BCKDHB: variants seen among roughly 807,000 people sequenced by gnomAD.
The protein encoded by BCKDHB is 2-oxoisovalerate dehydrogenase subunit beta, mitochondrial.
A neutral mutation model predicts 48.5 loss-of-function variants in BCKDHB; 41 were observed. That is an observed-to-expected ratio of 0.85 (90% CI 0.66 to 1.10). The LOEUF (loss-of-function observed/expected upper bound fraction) is 1.10. BCKDHB is among the 50% of genes least tolerant of loss of function. The probability of loss-of-function intolerance (pLI) is 0.00; values close to 1 mark genes in which losing one functional copy is unlikely to be tolerated. For missense variants in BCKDHB, 496 were observed against 494.2 expected (o/e 1.00, Z -0.03); for synonymous variants, 201 against 174.8 (o/e 1.15, Z -1.18).
At chr6:80,351,438 C>G in the BCKDHB span, among the ~76,000 whole-genome samples, 4 of 151,988 alleles carry the variant, frequency 2.6e-5, no homozygotes, top group Admixed American at 2.6e-4. Flanking sequence ...GGAGAGTTGG[C>G]CTGGGTCCAA....
chr6:80,220,304 G>GTTTTTTTTTTTTTTTTTTTTATTTTTTT (rs56967096), intron 8 of BCKDHB, among the ~76,000 whole-genome samples: 1 of 60,860 alleles, frequency 1.6e-5, no homozygotes, highest in Non-Finnish European at 2.9e-5. Flanking sequence ...CATGCTATTT[G>GTTTTTTTTTTTTTTTTTTTTATTTTTTT]TTTTTTTTTT....
chr6:80,314,687 G>A (rs1014880951), intron 9 of BCKDHB, among the ~76,000 whole-genome samples: 94 of 152,308 alleles, frequency 6.2e-4, no homozygotes, highest in African/African-American at 2.1e-3. Context: ...CCGCAGGCTG[G>A]AACCGCTGAG....
At chr6:80,182,533 T>C (rs1484894185) in intron 6 of BCKDHB, among the ~76,000 whole-genome samples, 1 of 152,194 alleles carries the variant, frequency 6.6e-6, no homozygotes, top group South Asian at 2.1e-4. Context: ...ATGAGTCATG[T>C]GTTTTCTTTG....
the BCKDHB span, among the ~76,000 whole-genome samples, chr6:80,398,875 C>T: frequency 6.6e-6 from 1 of 152,132 alleles, no homozygotes; most frequent in Non-Finnish European, 1.5e-5. Flanking sequence ...AATCCAGTAG[C>T]ACATCCAAAA....
chr6:80,417,828 G>A, the BCKDHB span, among the ~76,000 whole-genome samples: 7,017 of 151,936 alleles, frequency 0.046, 520 homozygotes, highest in African/African-American at 0.16. Context: ...ATCTTCTTTT[G>A]GAGTATCTTA....
intron 8 of BCKDHB, among the ~76,000 whole-genome samples, chr6:80,236,729 T>C (rs1201337155): frequency 6.6e-6 from 1 of 152,220 alleles, no homozygotes; most frequent in Non-Finnish European, 1.5e-5. Flanking sequence ...GTCTGTGCTC[T>C]TAACCAATAT....
the BCKDHB span, among the ~76,000 whole-genome samples, chr6:80,393,749 G>T: frequency 6.6e-6 from 1 of 152,144 alleles, no homozygotes; most frequent in African/African-American, 2.4e-5. Context: ...TCACTAATAT[G>T]CTTGACTTCC....
chr6:80,323,088 A>G (rs530539054), intron 9 of BCKDHB, among the ~76,000 whole-genome samples: 1 of 152,012 alleles, frequency 6.6e-6, no homozygotes, highest in Non-Finnish European at 1.5e-5. Flanking sequence ...CTAGTCACTT[A>G]CCTTTCTGAA....
intron 9 of BCKDHB, among the ~76,000 whole-genome samples, chr6:80,319,139 A>G (rs544688785): frequency 4.3e-4 from 66 of 152,292 alleles, no homozygotes; most frequent in African/African-American, 1.4e-3. Flanking sequence ...CCTTTCACTC[A>G]GGCCTTATGG....
intron 6 of BCKDHB, 57 bp downstream of exon 6, chr6:80,171,447 A>G: frequency 2.0e-6 from 2 of 995,398 alleles, no homozygotes; most frequent in Non-Finnish European, 1.5e-6. Flanking sequence ...TGTTTTTTAT[A>G]GCTCTAAAAG....
At chr6:80,287,468 A>ATTTTT (rs10670092) in intron 9 of BCKDHB, among the ~76,000 whole-genome samples, 15 of 149,982 alleles carry the variant, frequency 1.0e-4, no homozygotes, top group African/African-American at 3.2e-4. Context: ...TGGTTCAGTG[A>ATTTTT]TTTTTTTTTT....
chr6:80,112,948 C>T (rs1019093572), intron 1 of BCKDHB, among the ~76,000 whole-genome samples: 7 of 152,304 alleles, frequency 4.6e-5, no homozygotes, highest in African/African-American at 1.7e-4. Context: ...CCTTGCTTCC[C>T]GTTCCACTAG....
At chr6:80,148,505 C>T (rs954618181) in intron 3 of BCKDHB, among the ~76,000 whole-genome samples, 3 of 152,102 alleles carry the variant, frequency 2.0e-5, no homozygotes, top group Non-Finnish European at 4.4e-5. Flanking sequence ...CACTATTGTT[C>T]CCATTGCCAC....
intron 9 of BCKDHB, among the ~76,000 whole-genome samples, chr6:80,335,974 A>G (rs1358642608): frequency 6.6e-6 from 1 of 152,084 alleles, no homozygotes; most frequent in Non-Finnish European, 1.5e-5. Flanking sequence ...CAATAAGCAC[A>G]GTGTACTTTT....
the BCKDHB span, among the ~76,000 whole-genome samples, chr6:80,362,360 A>G: frequency 6.6e-6 from 1 of 152,212 alleles, no homozygotes; most frequent in Admixed American, 6.5e-5. Context: ...TGCTTTCCTC[A>G]GAAAGGGACT....
intron 9 of BCKDHB, among the ~76,000 whole-genome samples, chr6:80,291,676 A>T (rs1766923810): frequency 6.6e-6 from 1 of 152,080 alleles, no homozygotes. Flanking sequence ...TCTGAGTAGC[A>T]GCCAGAGATC....
At chr6:80,365,173 A>G in the BCKDHB span, among the ~76,000 whole-genome samples, 2 of 152,164 alleles carry the variant, frequency 1.3e-5, no homozygotes, top group South Asian at 4.1e-4. Context: ...TCCAACAAAG[A>G]TCACAAGGCA....
At chr6:80,371,250 G>A in the BCKDHB span, among the ~76,000 whole-genome samples, 71,238 of 151,834 alleles carry the variant, frequency 0.47, 18,116 homozygotes, top group Non-Finnish European at 0.59. Context: ...GTGAGGTTGA[G>A]CATTTTTTCA....
chr6:80,354,337 C>T, the BCKDHB span, among the ~76,000 whole-genome samples: 3 of 152,164 alleles, frequency 2.0e-5, no homozygotes, highest in Admixed American at 6.5e-5. Flanking sequence ...AAACAATTCT[C>T]CTGCCTCAGC....
Sources: allele counts gnomAD v4.1 joint callset (sites outside exome capture counted in the v4.1 genomes callset), GRCh38; gene constraint gnomAD v4.1.1; transcripts MANE v1.5; gene names NCBI Gene and HGNC (gene_info 2026-07-23, HGNC 2026-07-21).